CNN3: variants seen among roughly 807,000 people sequenced by gnomAD.
CNN3 encodes the protein calponin 3.
CNN3 carries 11 observed loss-of-function variants against 39.0 expected under a neutral mutation model. The observed-to-expected ratio is 0.28, with a 90% CI of 0.18 to 0.47. CNN3 has a LOEUF of 0.47. CNN3 is among the 20% of genes least tolerant of loss of function. CNN3 has a pLI of 0.99. For synonymous variants in CNN3, 101 were observed against 138.3 expected, an observed-to-expected ratio of 0.73 and a Z score of 1.89; for missense variants, 266 against 403.4, an observed-to-expected ratio of 0.66 and a Z score of 2.92.
intron 1 of CNN3, among the ~76,000 whole-genome samples, chr1:94,908,594 G>C (rs986988320): frequency 6.6e-6 from 1 of 152,182 alleles, no homozygotes; most frequent in South Asian, 2.1e-4. Flanking sequence ...AAGCTGGAGT[G>C]CCATAGCGTG....
rs1428438221 is a variant in CNN3 at position 94,899,415 on chromosome 1, T to C, written c.604A>G (p.Thr202Ala). Residue 202 changes from threonine (T) to alanine (A), a missense_variant, in exon 6 of 7, where the codon ACC (threonine) becomes GCC (alanine). Transcript: ENST00000370206. The stretch of plus-strand genomic sequence containing the variant: ...GTGCCCATCTGCAGACTAATTGTGG[T>C]CTGGTCAAAAGGTTTGTCAGTTTGC... ...KMQTDKPFDQ[T>A]TISLQMGTNK... 3.7e-6 allele frequency: 6 copies of C among 1,614,052 alleles called. No homozygotes were observed. In the East Asian group the frequency reaches 1.3e-4, roughly 36 times the overall value.
At chr1:94,908,997 AAT>A (rs1328714560) in intron 1 of CNN3, among the ~76,000 whole-genome samples, 95 of 145,982 alleles carry the variant, frequency 6.5e-4, no homozygotes, top group African/African-American at 9.0e-4. Flanking sequence ...AAAAAAAAAA[AAT>A]AGGCCAGGTG....
rs758241129 is a variant in CNN3 at position 94,901,637 on chromosome 1, A to C, written c.501+32T>G. ...TGGTGAGAATTAATCATATTGAATA[A>C]GTAATTGAATAAGCAACACCACATT... On this transcript the variant is annotated intron_variant, in intron 5 of 6. Transcript: ENST00000370206. The C allele has an allele frequency of 2.1e-6, 3 of 1,416,434 alleles. No homozygotes were observed. In the East Asian group the frequency reaches 6.8e-5, roughly 32 times the overall value. The allele number at this position is 1,416,434 out of a possible 1,614,324, so 87.7% of individuals were successfully genotyped here. A position where few individuals can be genotyped will look rare whatever the true frequency, so the allele number is the denominator to read the frequency against.
chr1:94,903,212 A>G, intron 2 of CNN3, 24 bp from the exon 3 acceptor site: 1 of 1,603,658 alleles, frequency 6.2e-7, no homozygotes, highest in Non-Finnish European at 8.5e-7. Flanking sequence ...TATGAGAGAC[A>G]TCTTATTTAC....
intron 1 of CNN3, among the ~76,000 whole-genome samples, chr1:94,925,419 C>T (rs1000142140): frequency 6.6e-6 from 1 of 152,230 alleles, no homozygotes; most frequent in African/African-American, 2.4e-5. Flanking sequence ...CATACACAAA[C>T]CATTCACCTT....
At chr1:94,925,206 G>A (rs1194110349) in intron 1 of CNN3, among the ~76,000 whole-genome samples, 1 of 152,230 alleles carries the variant, frequency 6.6e-6, no homozygotes, top group African/African-American at 2.4e-5. Flanking sequence ...GCAAAAGGTA[G>A]TAGAGACTCA....
chr1:94,905,202 C>G (rs1490945019), intron 1 of CNN3, among the ~76,000 whole-genome samples: 1 of 152,150 alleles, frequency 6.6e-6, no homozygotes, highest in East Asian at 1.9e-4. Flanking sequence ...ACAGTGAAAA[C>G]CAACGCTGAG....
At chr1:94,925,461 T>C (rs1344231868) in intron 1 of CNN3, among the ~76,000 whole-genome samples, 1 of 152,222 alleles carries the variant, frequency 6.6e-6, no homozygotes, top group African/African-American at 2.4e-5. Context: ...TAGCAAACTG[T>C]TGTCTAATAC....
intron 5 of CNN3, among the ~76,000 whole-genome samples, chr1:94,901,393 T>C (rs1670861866): frequency 6.6e-6 from 1 of 151,444 alleles, no homozygotes; most frequent in Admixed American, 6.6e-5. Context: ...AAAGTGTATT[T>C]TTCTTTTTTA....
chr1:94,925,000 G>A (rs1448435016), intron 1 of CNN3, among the ~76,000 whole-genome samples: 1 of 152,302 alleles, frequency 6.6e-6, no homozygotes, highest in African/African-American at 2.4e-5. Flanking sequence ...AGGTTTTACC[G>A]TTTTTAAATA....
intron 1 of CNN3, among the ~76,000 whole-genome samples, chr1:94,905,527 T>C (rs942730389): frequency 1.3e-5 from 2 of 152,292 alleles, no homozygotes; most frequent in Non-Finnish European, 2.9e-5. Context: ...TACTGTGGCA[T>C]TAGGGAGATG....
At chr1:94,898,770 GT>G (rs1464748058) in intron 6 of CNN3, among the ~76,000 whole-genome samples, 2 of 152,200 alleles carry the variant, frequency 1.3e-5, no homozygotes, top group Non-Finnish European at 2.9e-5. Context: ...TAAGGGCAAA[GT>G]TTGATAAATC....
intron 1 of CNN3, among the ~76,000 whole-genome samples, chr1:94,915,997 T>C (rs1419282240): frequency 6.6e-6 from 1 of 152,174 alleles, no homozygotes; most frequent in African/African-American, 2.4e-5. Flanking sequence ...ACCATCTGTT[T>C]TGGGCTGTTG....
chr1:94,899,667 C>G, intron 5 of CNN3, 150 bp from the exon 6 acceptor site: 1 of 729,798 alleles, frequency 1.4e-6, no homozygotes, highest in Non-Finnish European at 2.1e-6. Flanking sequence ...TATGTGTCTA[C>G]AAACAAATTT....
At chr1:94,908,418 C>T (rs1671070552) in intron 1 of CNN3, among the ~76,000 whole-genome samples, 1 of 152,242 alleles carries the variant, frequency 6.6e-6, no homozygotes, top group South Asian at 2.1e-4. Flanking sequence ...CTCAGGACAG[C>T]TAAGAGCACC....
chr1:94,917,642 A>G (rs544847676), intron 1 of CNN3, among the ~76,000 whole-genome samples: 1 of 152,364 alleles, frequency 6.6e-6, no homozygotes, highest in East Asian at 1.9e-4. Flanking sequence ...CTACACAAGT[A>G]CTTTTAAAGG....
chr1:94,904,633 G>C (rs1201316917), intron 1 of CNN3, among the ~76,000 whole-genome samples: 4 of 152,038 alleles, frequency 2.6e-5, no homozygotes, highest in Non-Finnish European at 5.9e-5. Context: ...TGTCATCCCA[G>C]TGACTTGGAA....
At chr1:94,920,415 C>A (rs892198496) in intron 1 of CNN3, among the ~76,000 whole-genome samples, 2 of 152,192 alleles carry the variant, frequency 1.3e-5, no homozygotes, top group Admixed American at 6.5e-5. Context: ...ATAATATCAA[C>A]ATCCAGAAGA....
chr1:94,901,527 AATAGAT>A lies in CNN3; in HGVS notation c.501+136_501+141del, dbSNP rs1670868041. Reference sequence around the variant, plus strand: ...TTATCACTGTCTTATGGGCTTTATAAATAGATATAAATTGTATAAACTACACCCCCC... The same window carrying A: ...TTATCACTGTCTTATGGGCTTTATAAATAAATTGTATAAACTACACCCCCC... On this transcript the variant is annotated intron_variant, in intron 5 of 6. Transcript: ENST00000370206. The A allele has an allele frequency of 5.7e-6, 3 of 525,236 alleles. No homozygotes were observed. The South Asian group carries it at 9.6e-5, about 17-fold the overall frequency. 32.5% of individuals were successfully genotyped at this position (525,236 alleles called of 1,614,324 possible).
Sources: gnomAD v4.1 joint callset for allele counts (sites outside exome capture counted in the v4.1 genomes callset) on GRCh38, gnomAD v4.1.1 for gene constraint, MANE v1.5 for transcripts, NCBI Gene and HGNC (gene_info 2026-07-23, HGNC 2026-07-21) for gene names.